The following NFIB variants were observed in gnomAD, a reference collection of about 807,000 sequenced individuals.
The protein encoded by NFIB is nuclear factor 1 B-type.
NFIB carries 11 observed loss-of-function variants against 61.5 expected under a neutral mutation model. The observed-to-expected ratio is 0.18, with a 90% CI of 0.11 to 0.30. The LOEUF is 0.30. NFIB is among the 10% of genes least tolerant of loss of function. NFIB has a pLI of 1.00. For missense variants in NFIB, 471 were observed against 608.9 expected (o/e 0.77, Z 2.38); for synonymous variants, 260 against 216.5 (o/e 1.20, Z -1.76).
chr9:14,383,092 G>C (rs1256473160), intron 1 of NFIB, among the ~76,000 whole-genome samples: 1 of 151,354 alleles, frequency 6.6e-6, no homozygotes, highest in Non-Finnish European at 1.5e-5. Flanking sequence ...ACAAAAAATT[G>C]AAAATGAAAG....
At chr9:14,444,536 G>A in the NFIB span, among the ~76,000 whole-genome samples, 8 of 152,126 alleles carry the variant, frequency 5.3e-5, no homozygotes, top group African/African-American at 7.2e-5. Flanking sequence ...ATCCCTGAAG[G>A]TGTTACTTAT....
chr9:14,465,355 C>T, the NFIB span, among the ~76,000 whole-genome samples: 1 of 152,112 alleles, frequency 6.6e-6, no homozygotes, highest in African/African-American at 2.4e-5. Flanking sequence ...AAAGAAATCA[C>T]ACAAATTCAC....
chr9:14,415,667 G>A, the NFIB span, among the ~76,000 whole-genome samples: 1 of 152,222 alleles, frequency 6.6e-6, no homozygotes, highest in Admixed American at 6.5e-5. Flanking sequence ...GGAAGATGAA[G>A]GGAAGTAGAA....
intron 6 of NFIB, among the ~76,000 whole-genome samples, chr9:14,132,599 G>T (rs1586910967): frequency 6.6e-6 from 1 of 151,712 alleles, no homozygotes; most frequent in Non-Finnish European, 1.5e-5. Context: ...TAGAGACAAG[G>T]TCTCACTCTG....
intron 3 of NFIB, among the ~76,000 whole-genome samples, chr9:14,159,076 A>C (rs2043821418): frequency 6.6e-6 from 1 of 152,208 alleles, no homozygotes. Flanking sequence ...ATTAAGATGG[A>C]GTGGGGTGTG....
intron 1 of NFIB, among the ~76,000 whole-genome samples, chr9:14,347,124 G>A (rs2061034258): frequency 6.6e-6 from 1 of 151,106 alleles, no homozygotes; most frequent in Admixed American, 6.6e-5. Context: ...GCAGGCAGAC[G>A]CGCGAGGCTT....
chr9:14,288,647 A>G (rs1287277831), intron 2 of NFIB, among the ~76,000 whole-genome samples: 1 of 152,064 alleles, frequency 6.6e-6, no homozygotes, highest in Non-Finnish European at 1.5e-5. Flanking sequence ...CCCTCCCAGA[A>G]AGCTCCGCAA....
the NFIB span, among the ~76,000 whole-genome samples, chr9:14,490,406 A>G: frequency 6.6e-6 from 1 of 152,318 alleles, no homozygotes; most frequent in South Asian, 2.1e-4. Flanking sequence ...TCGAAGTAGA[A>G]AAACATTTCT....
chr9:14,485,403 T>C, the NFIB span, among the ~76,000 whole-genome samples: 2 of 152,246 alleles, frequency 1.3e-5, no homozygotes, highest in Non-Finnish European at 2.9e-5. Context: ...ATTTTTGTCA[T>C]GAGATGAAGG....
chr9:14,137,877 A>AG (rs1233075794), intron 6 of NFIB, among the ~76,000 whole-genome samples: 5 of 152,136 alleles, frequency 3.3e-5, no homozygotes, highest in Non-Finnish European at 7.4e-5. Context: ...CAAGGACTAC[A>AG]TGCATGAATC....
At chr9:14,250,464 C>G (rs1464756805) in intron 2 of NFIB, among the ~76,000 whole-genome samples, 3 of 152,094 alleles carry the variant, frequency 2.0e-5, no homozygotes, top group Non-Finnish European at 4.4e-5. Context: ...CAGCTTTTGC[C>G]ATTAAAACTT....
rs1210918982 is a variant in NFIB, at chr9:14,120,960, T to A, written c.1061-336A>T. Among the ~76,000 whole-genome samples, 2 of 152,180 alleles carry A rather than the reference T, an allele frequency of 1.3e-5. No individual in the cohort carries two copies. The highest frequency in any genetic ancestry group is 2.9e-5 in the Non-Finnish European group (2 of 68,036). On this transcript the variant is annotated intron_variant, in intron 7 of 10. Transcript: ENST00000380953. The surrounding 1 kb of genome is among the most constrained non-coding windows in gnomAD (Gnocchi z 4.4). ...AAGATATATCCCGTTGAAAACATAT[T>A]CTTTGATTATAAAATCTTTAGGCCG...
At chr9:14,326,698 GAA>G (rs34910775) in intron 1 of NFIB, among the ~76,000 whole-genome samples, 7 of 125,466 alleles carry the variant, frequency 5.6e-5, no homozygotes, top group African/African-American at 1.5e-4. Flanking sequence ...GTGGTTTACA[GAA>G]AAAAAAAAAA....
In NFIB at chr9:14,322,575, G is replaced by GCCCGC. The variant is rs887231660; in HGVS notation, c.109-15060_109-15056dup. On this transcript the variant is annotated intron_variant, in intron 1 of 8. Transcript: ENST00000380934. Reference sequence around the variant, plus strand: ...TGGCTTTCTCTTTCTCCGGCTCGCGGCCCGCCCCGCCCCACCCTACCACGG... The same window carrying GCCCGC: ...TGGCTTTCTCTTTCTCCGGCTCGCGGCCCGCCCCGCCCCGCCCCACCCTACCACGG... Among the ~76,000 whole-genome samples the GCCCGC allele has an allele frequency of 2.6e-4, 39 of 151,684 alleles. No homozygotes were observed. In the East Asian group the frequency reaches 3.7e-3, roughly 14 times the overall value.
Position 14,098,104 on chromosome 9 carries a change from G to C in NFIB, c.1468-9778C>G, listed in dbSNP as rs768435611. ...AAAATAGCTGATAAAAGTCTCTTTGGTGCCATTCAATTATGGCATCCGCAG... is the reference window on the plus strand; with the variant it reads ...AAAATAGCTGATAAAAGTCTCTTTGCTGCCATTCAATTATGGCATCCGCAG... On this transcript the variant is annotated intron_variant, in intron 10 of 10. Coordinates refer to ENST00000380953, the MANE Select transcript of NFIB (RefSeq NM_001190737.2). Among the ~76,000 whole-genome samples, 6 of 152,064 alleles carry C rather than the reference G, an allele frequency of 3.9e-5. No individual in the cohort carries two copies. In the East Asian group the frequency reaches 5.8e-4, roughly 15 times the overall value.
chr9:14,092,488 T>C (rs2034082601), intron 10 of NFIB, among the ~76,000 whole-genome samples: 1 of 152,032 alleles, frequency 6.6e-6, no homozygotes. Flanking sequence ...CAGTTATGAC[T>C]CAGATCTGTC....
chr9:14,413,550 A>G, the NFIB span, among the ~76,000 whole-genome samples: 1 of 152,206 alleles, frequency 6.6e-6, no homozygotes, highest in African/African-American at 2.4e-5. Context: ...TGAAGACACT[A>G]GTAATTACCT....
upstream of NFIB, among the ~76,000 whole-genome samples, chr9:14,318,232 A>C (rs1588299862): frequency 6.6e-6 from 1 of 152,204 alleles, no homozygotes; most frequent in Non-Finnish European, 1.5e-5. Flanking sequence ...TAACTAACAG[A>C]AAGTTTATTG....
intron 2 of NFIB, among the ~76,000 whole-genome samples, chr9:14,202,868 A>G (rs1234156591): frequency 6.6e-6 from 1 of 152,230 alleles, no homozygotes; most frequent in East Asian, 1.9e-4. Flanking sequence ...AGGTTAGCTG[A>G]AAACGATCTA....
Sources: gnomAD v4.1 joint callset for allele counts (sites outside exome capture counted in the v4.1 genomes callset) on GRCh38, gnomAD v4.1.1 for gene constraint, Gnocchi (gnomAD v3.1) non-coding constraint, MANE v1.5 for transcripts, NCBI Gene and HGNC (gene_info 2026-07-23, HGNC 2026-07-21) for gene names.